HAPLN4: variants seen among roughly 807,000 people sequenced by gnomAD.
HAPLN4 encodes hyaluronan and proteoglycan link protein 4, also known as brain link protein 2.
Under a neutral mutation model 28.0 loss-of-function variants are expected in HAPLN4, and 19 were observed. The observed-to-expected ratio is 0.68, with a 90% CI of 0.47 to 1.00. The LOEUF (loss-of-function observed/expected upper bound fraction) is 1.00, where lower values mean the gene tolerates loss of function less well. Among genes scored for constraint, HAPLN4 ranks in the 50% least tolerant of loss-of-function variants. HAPLN4 has a pLI of 0.00. For missense variants in HAPLN4, 587 were observed against 602.6 expected, an observed-to-expected ratio of 0.97 and a Z score of 0.27; for synonymous variants, 274 against 273.0, an observed-to-expected ratio of 1.00 and a Z score of -0.03.
chr19:19,261,189 A>C lies in HAPLN4; in HGVS notation c.122-14T>G. Reference sequence around the variant, plus strand: ...CCGACTCACCCTCTGAGGACAACCAAGCAGGGTTCAGAGGAGGGGCCTAGG... The same window carrying C: ...CCGACTCACCCTCTGAGGACAACCACGCAGGGTTCAGAGGAGGGGCCTAGG... On this transcript the variant is annotated splice_polypyrimidine_tract_variant and intron_variant, in intron 2 of 4. Coordinates refer to ENST00000291481, the MANE Select transcript of HAPLN4 (RefSeq NM_023002.3). 1 of 1,583,306 alleles carries C rather than the reference A, an allele frequency of 6.3e-7. No individual in the cohort carries two copies. Among genetic ancestry groups the C allele is most frequent in the East Asian group, 2.3e-5 (1 of 44,416 alleles).
rs1012537650 is a variant in HAPLN4 at position 19,255,496 on chromosome 19, G to C, written c.*2321C>G. ...GGAGGCAGAGGTTGCAGTGAGCCAA[G>C]ATTGCACGACTGCACTCCAGCCTGG... On this transcript the variant is annotated 3_prime_UTR_variant, in exon 5 of 5. Transcript: ENST00000291481. 1 of 152,290 alleles carries C rather than the reference G, an allele frequency of 6.6e-6. No homozygotes were observed. The highest frequency in any genetic ancestry group is 1.5e-5 in the Non-Finnish European group (1 of 68,066). 9.4% of individuals were successfully genotyped at this position (152,290 alleles called of 1,614,324 possible).
chr19:19,260,736 T>G, intron 3 of HAPLN4, 77 bp downstream of exon 3: 2 of 1,526,810 alleles, frequency 1.3e-6, no homozygotes, highest in Non-Finnish European at 8.9e-7. Flanking sequence ...GCCAACTTGA[T>G]TTGGTTTATG....
intron 1 of HAPLN4, among the ~76,000 whole-genome samples, chr19:19,262,222 A>C (rs2060986370): frequency 6.6e-6 from 1 of 150,652 alleles, no homozygotes; most frequent in Non-Finnish European, 1.5e-5. Context: ...GGAAAGACAG[A>C]GATGGAAAGG....
Position 19,258,029 on chromosome 19 carries a change from C to A in HAPLN4, c.997G>T (p.Val333Leu). 5.9e-6 allele frequency: 9 copies of A among 1,531,808 alleles called. No individual in the cohort carries two copies. Among genetic ancestry groups the A allele is most frequent in the Non-Finnish European group, 6.1e-6 (7 of 1,144,898 alleles). The allele number at this position is 1,531,808 out of a possible 1,614,324, so 94.9% of individuals were successfully genotyped here. The part of the protein sequence containing the change: ...LADGSARYPI[V>L]NPRARCGGRR... ...CCTCCGCAGCGCGCTCGCGGGTTCA[C>A]GATGGGGTAGCGCGCACTGCCATCG... The change falls in exon 5 of 5, where the codon GTG (valine) becomes TTG (leucine). Residue 333 changes from valine to leucine, a missense_variant. Val to Leu is a conservative substitution (Grantham distance 32). Coordinates refer to ENST00000291481, the MANE Select transcript of HAPLN4 (RefSeq NM_023002.3). This position sits in a 1 kb window ranked among gnomAD's most constrained non-coding sequence, Gnocchi z 6.2.
Position 19,258,995 on chromosome 19 carries a change from TC to T in HAPLN4, c.485-141del. 1 of 654,792 alleles carries T rather than the reference TC, an allele frequency of 1.5e-6. No homozygotes were observed. Among genetic ancestry groups the T allele is most frequent in the South Asian group, 2.1e-5 (1 of 48,292 alleles). 40.6% of individuals were successfully genotyped at this position (654,792 alleles called of 1,614,324 possible). A position where few individuals can be genotyped will look rare whatever the true frequency, so the allele number is the denominator to read the frequency against. On this transcript the variant is annotated intron_variant, in intron 3 of 4. Transcript: ENST00000291481. This position sits in a 1 kb window ranked among gnomAD's most constrained non-coding sequence, Gnocchi z 6.2. Reference sequence around the variant, plus strand: ...CTGGCCTCAGACCTGACCACGATCCTCCCCAGCTCACACCCCATATAGCTGT... The same window carrying T: ...CTGGCCTCAGACCTGACCACGATCCTCCCAGCTCACACCCCATATAGCTGT...
chr19:19,255,815 T>C lies in HAPLN4; in HGVS notation c.*2002A>G, dbSNP rs964036928. The C allele has an allele frequency of 3.3e-5, 5 of 152,122 alleles. No homozygotes were observed. The highest frequency in any genetic ancestry group is 1.2e-4 in the African/African-American group (5 of 41,408). 9.4% of individuals were successfully genotyped at this position (152,122 alleles called of 1,614,324 possible). Reference sequence around the variant, plus strand: ...AGAATTCAAACCCAAACCGACCTGGTCCCAAAACTCAGAGATAGGTTTCCT... The same window carrying C: ...AGAATTCAAACCCAAACCGACCTGGCCCCAAAACTCAGAGATAGGTTTCCT... On this transcript the variant is annotated 3_prime_UTR_variant, in exon 5 of 5. Transcript: ENST00000291481.
At chr19:19,260,310 G>A (rs373635192) in intron 3 of HAPLN4, among the ~76,000 whole-genome samples, 5 of 152,210 alleles carry the variant, frequency 3.3e-5, no homozygotes, top group African/African-American at 9.6e-5. Context: ...TCCACCTCCC[G>A]GGTTCAAGAG....
chr19:19,260,996 C>T lies in HAPLN4; in HGVS notation c.301G>A (p.Ala101Thr), dbSNP rs1237642505. The T allele has an allele frequency of 1.2e-6, 2 of 1,613,768 alleles. No individual in the cohort carries two copies. Among genetic ancestry groups the T allele is most frequent in the Non-Finnish European group, 1.7e-6 (2 of 1,179,988 alleles). ...AATGCCCGGTGCTGGGGGCCTAGTG[C>T]CACGAAGACGTCGGTGAAGGCCAGC... ...DPLAFTDVFV[A>T]LGPQHRAFGS... is the part of the protein sequence containing the mutation. Residue 101 changes from alanine to threonine, a missense_variant, in exon 3 of 5, where the codon GCA (alanine) becomes ACA (threonine). Coordinates refer to ENST00000291481, the MANE Select transcript of HAPLN4 (RefSeq NM_023002.3).
chr19:19,258,446 G>C lies in HAPLN4; in HGVS notation c.817+77C>G. On this transcript the variant is annotated intron_variant, in intron 4 of 4. Coordinates refer to ENST00000291481, the MANE Select transcript of HAPLN4 (RefSeq NM_023002.3). The surrounding 1 kb of genome is among the most constrained non-coding windows in gnomAD (Gnocchi z 6.2). ...GGGGTCTCCTGTTTCTGATCGCTAA[G>C]AGCTGGGTGGGGAAGAAGGCCCCGG... 6.9e-7 allele frequency: 1 copy of C among 1,446,902 alleles called. No individual in the cohort carries two copies. Among genetic ancestry groups the C allele is most frequent in the African/African-American group, 1.4e-5 (1 of 72,170 alleles). The allele number at this position is 1,446,902 out of a possible 1,614,324, so 89.6% of individuals were successfully genotyped here. A position where few individuals can be genotyped will look rare whatever the true frequency, so the allele number is the denominator to read the frequency against.
At chr19:19,260,194 C>CTTTTA (rs771295182) in intron 3 of HAPLN4, among the ~76,000 whole-genome samples, 5 of 152,108 alleles carry the variant, frequency 3.3e-5, no homozygotes, top group African/African-American at 4.8e-5. Flanking sequence ...GACTGGATCA[C>CTTTTA]TTTTATTTTA....
chr19:19,255,565 ACCCCAAG>A lies in HAPLN4; in HGVS notation c.*2245_*2251del, dbSNP rs1459425232. 2 of 151,958 alleles carry A rather than the reference ACCCCAAG, an allele frequency of 1.3e-5. No homozygotes were observed. The highest frequency in any genetic ancestry group is 4.2e-4 in the South Asian group (2 of 4,804). 9.4% of individuals were successfully genotyped at this position (151,958 alleles called of 1,614,324 possible). ...ATCTCAAAAAAACAAAACAAAAAAA[ACCCCAAG>A]CCCCCCAAGCTTGTAACATCTTATC... On this transcript the variant is annotated 3_prime_UTR_variant, in exon 5 of 5. Transcript: ENST00000291481.
intron 1 of HAPLN4, among the ~76,000 whole-genome samples, chr19:19,262,287 A>AAGAGACAGAGATGGAGAGGG (rs1297396157): frequency 3.5e-5 from 5 of 141,286 alleles, no homozygotes; most frequent in Non-Finnish European, 7.7e-5. Context: ...GAGGCAGAGG[A>AAGAGACAGAGATGGAGAGGG]AGAGACAGAG....
chr19:19,258,072 G>C lies in HAPLN4; in HGVS notation c.954C>G (p.Cys318Trp). The change falls in exon 5 of 5, where the codon TGC becomes TGG. Residue 318 changes from cysteine (C) to tryptophan (W), a missense_variant. Transcript: ENST00000291481. This position sits in a 1 kb window ranked among gnomAD's most constrained non-coding sequence, Gnocchi z 6.2. ...AAWKLQLLDR[C>W]TAGWLADGSA... ...TGCCATCGGCCAGCCAACCCGCGGTGCAGCGGTCTAGCAGCTGCAGCTTCC... is the reference window on the plus strand; with the variant it reads ...TGCCATCGGCCAGCCAACCCGCGGTCCAGCGGTCTAGCAGCTGCAGCTTCC... 6.4e-7 allele frequency: 1 copy of C among 1,555,326 alleles called. No homozygotes were observed. Among genetic ancestry groups the C allele is most frequent in the Non-Finnish European group, 8.6e-7 (1 of 1,157,566 alleles).
intron 1 of HAPLN4, 135 bp from the exon 2 acceptor site, chr19:19,261,698 G>A (rs2060984194): frequency 1.7e-6 from 1 of 582,592 alleles, no homozygotes; most frequent in Non-Finnish European, 2.9e-6. Context: ...CCGGGGTCCT[G>A]GAGAACTCCC....
Position 19,256,388 on chromosome 19 carries a change from G to C in HAPLN4, c.*1429C>G, listed in dbSNP as rs1024044019. On this transcript the variant is annotated 3_prime_UTR_variant, in exon 5 of 5. Coordinates refer to ENST00000291481, the MANE Select transcript of HAPLN4 (RefSeq NM_023002.3). ...GATGGGGTGCAGTAGGGTAGCCCTA[G>C]TAGGAGGCACCCAGGACTTCTGGCC... 6.6e-6 allele frequency: 1 copy of C among 152,622 alleles called. No homozygotes were observed. Among genetic ancestry groups the C allele is most frequent in the Non-Finnish European group, 1.5e-5 (1 of 68,048 alleles). The allele number at this position is 152,622 out of a possible 1,614,324, so 9.5% of individuals were successfully genotyped here. A position where few individuals can be genotyped will look rare whatever the true frequency, so the allele number is the denominator to read the frequency against.
At chr19:19,260,240 G>A (rs2060978539) in intron 3 of HAPLN4, among the ~76,000 whole-genome samples, 1 of 151,918 alleles carries the variant, frequency 6.6e-6, no homozygotes, top group African/African-American at 2.4e-5. Context: ...TTTTTGAGAT[G>A]GAGTCTCGCT....
At chr19:19,259,425 C>T (rs2060976671) in intron 3 of HAPLN4, among the ~76,000 whole-genome samples, 1 of 152,184 alleles carries the variant, frequency 6.6e-6, no homozygotes, top group African/African-American at 2.4e-5. Flanking sequence ...ACTCACAGTC[C>T]GTTCAGCTCA....
Position 19,261,516 on chromosome 19 carries a change from G to A in HAPLN4, c.51C>T (p.Ala17=). 2.5e-6 allele frequency: 4 copies of A among 1,610,342 alleles called. No homozygotes were observed. The highest frequency in any genetic ancestry group is 3.4e-6 in the Non-Finnish European group (4 of 1,178,928). The change falls in exon 2 of 5, where the codon GCC becomes GCT. Residue 17 remains alanine (A), a synonymous_variant. Coordinates refer to ENST00000291481, the MANE Select transcript of HAPLN4 (RefSeq NM_023002.3). ...ALGPGALWAA[A]WGVLLLTAPA... is the part of the protein sequence containing the mutation. The stretch of plus-strand genomic sequence containing the variant: ...GGGCTGTGAGCAGCAGGACGCCCCA[G>A]GCCGCGGCCCAGAGCGCGCCGGGAC...
rs922020763 is a variant in HAPLN4 at position 19,261,541 on chromosome 19, C to G, written c.26G>C (p.Gly9Ala). The G allele has an allele frequency of 2.5e-6, 4 of 1,571,944 alleles. No homozygotes were observed. In the African/African-American group the frequency reaches 5.5e-5, roughly 21 times the overall value. The change falls in exon 2 of 5, where the codon GGT becomes GCT. Residue 9 changes from glycine to alanine, a missense_variant. Physicochemically the swap from Gly to Ala is moderately conservative, Grantham distance 60. Transcript: ENST00000291481. MVCARAALGPGALWAAAWG... is the reference protein window; with the variant it reads MVCARAALAPGALWAAAWG... ...GGCCGCGGCCCAGAGCGCGCCGGGA[C>G]CGAGGGCCGCCCGAGCGCACACCTG...
Sources: gnomAD v4.1 joint callset for allele counts (sites outside exome capture counted in the v4.1 genomes callset) on GRCh38, gnomAD v4.1.1 for gene constraint, Gnocchi (gnomAD v3.1) non-coding constraint, MANE v1.5 for transcripts, NCBI Gene and HGNC (gene_info 2026-07-23, HGNC 2026-07-21) for gene names.